Variants in ESRRG observed in about 807,000 individuals in gnomAD.
ESRRG encodes the protein estrogen related receptor gamma, also known as estrogen-related receptor gamma.
A neutral mutation model predicts 44.0 loss-of-function variants in ESRRG; 13 were observed. That is an observed-to-expected ratio of 0.30 (90% CI 0.19 to 0.47). The LOEUF (loss-of-function observed/expected upper bound fraction) is 0.47. Among genes scored for constraint, ESRRG ranks in the 20% least tolerant of loss-of-function variants. The pLI, the probability that ESRRG is intolerant of heterozygous loss-of-function variation, is 1.00. For synonymous variants in ESRRG, 215 were observed against 214.6 expected (o/e 1.00, Z -0.02); for missense variants, 395 against 580.6 (o/e 0.68, Z 3.29).
At chr1:216,865,067 C>T (rs1354357121) in intron 2 of ESRRG, 1 of 151,598 alleles carries the variant, frequency 6.6e-6, no homozygotes, top group African/African-American at 2.4e-5. Context: ...TTACCTTATT[C>T]CCTTTCTCAG....
At chr1:217,025,084 T>C (rs1409450594) in intron 1 of ESRRG, among the ~76,000 whole-genome samples, 1 of 152,110 alleles carries the variant, frequency 6.6e-6, no homozygotes, top group African/African-American at 2.4e-5. Context: ...GCTAGAAGCC[T>C]TAAGGGACCA....
chr1:216,636,325 A>G (rs570959612), intron 3 of ESRRG, among the ~76,000 whole-genome samples: 1 of 152,296 alleles, frequency 6.6e-6, no homozygotes, highest in South Asian at 2.1e-4. Context: ...AATGACCATA[A>G]TTTTTTCCTC....
intron 3 of ESRRG, among the ~76,000 whole-genome samples, chr1:216,570,593 G>C (rs2060607655): frequency 6.6e-6 from 1 of 151,814 alleles, no homozygotes; most frequent in South Asian, 2.1e-4. Flanking sequence ...TAAGAATTTT[G>C]AAAATTAAAA....
chr1:216,526,662 T>C (rs1001164537), intron 5 of ESRRG, among the ~76,000 whole-genome samples: 2 of 152,222 alleles, frequency 1.3e-5, no homozygotes, highest in Admixed American at 1.3e-4. Flanking sequence ...ACAGGTGACC[T>C]TCTTATCTGT....
At chr1:216,640,098 T>C (rs2066081315) in intron 3 of ESRRG, among the ~76,000 whole-genome samples, 1 of 152,208 alleles carries the variant, frequency 6.6e-6, no homozygotes, top group Non-Finnish European at 1.5e-5. Flanking sequence ...CAGTTACTAC[T>C]GTGCTGGGGC....
chr1:216,820,882 A>G (rs2095270926), intron 2 of ESRRG, among the ~76,000 whole-genome samples: 1 of 152,208 alleles, frequency 6.6e-6, no homozygotes, highest in East Asian at 1.9e-4. Context: ...TCCCTTTCCT[A>G]TGAAAGCATT....
intron 2 of ESRRG, among the ~76,000 whole-genome samples, chr1:216,916,767 C>G (rs1039791749): frequency 6.8e-6 from 1 of 147,216 alleles, no homozygotes; most frequent in Admixed American, 7.1e-5. Context: ...TGAGCAAACA[C>G]AGTGAGAAAA....
Position 217,108,939 on chromosome 1 carries a change from C to T in ESRRG, c.-230+28728G>A, listed in dbSNP as rs73103086. On this transcript the variant is annotated intron_variant, in intron 1 of 8. Coordinates refer to the ESRRG transcript ENST00000366940. ...AACCCAACCTCACATGAAACAGCTG[C>T]ACCAGAGAGAAATAAAACAAAACTG... 2.9e-3 allele frequency among the ~76,000 whole-genome samples: 443 copies of T among 152,244 alleles called. 2 individuals are homozygous for T. Among genetic ancestry groups the T allele is most frequent in the African/African-American group, 0.01 (426 of 41,546 alleles).
At chr1:216,750,428 T>C (rs1451181919) in intron 2 of ESRRG, among the ~76,000 whole-genome samples, 1 of 152,144 alleles carries the variant, frequency 6.6e-6, no homozygotes, top group Non-Finnish European at 1.5e-5. Context: ...AAGCTGTTCT[T>C]CAGTTAATAG....
rs1482545088 is a variant in ESRRG, at chr1:216,505,130, C to T, written c.*1809G>A. On this transcript the variant is annotated 3_prime_UTR_variant, in exon 7 of 7. Coordinates refer to ENST00000408911, the MANE Select transcript of ESRRG (RefSeq NM_001438.4). ...TTACAATTTTAATTACATCTGTGTA[C>T]ATAGAATAAGACTGTTCACATAATA... 6.6e-6 allele frequency: 1 copy of T among 152,644 alleles called. No homozygotes were observed. Among genetic ancestry groups the T allele is most frequent in the Non-Finnish European group, 1.5e-5 (1 of 68,036 alleles). The allele number at this position is 152,644 out of a possible 1,614,324, so 9.5% of individuals were successfully genotyped here. A position where few individuals can be genotyped will look rare whatever the true frequency, so the allele number is the denominator to read the frequency against.
At chr1:216,645,117 A>G (rs1037402604) in intron 3 of ESRRG, among the ~76,000 whole-genome samples, 18 of 152,180 alleles carry the variant, frequency 1.2e-4, no homozygotes, top group African/African-American at 4.3e-4. Flanking sequence ...TCAATACTTC[A>G]GTTCCTACTT....
chr1:216,683,149 AC>A (rs2077326622), intron 1 of ESRRG, among the ~76,000 whole-genome samples: 1 of 152,166 alleles, frequency 6.6e-6, no homozygotes, highest in African/African-American at 2.4e-5. Flanking sequence ...ATTAAGGTAC[AC>A]TGGCTTAGTT....
At chr1:217,049,280 C>T (rs1265542152) in intron 1 of ESRRG, among the ~76,000 whole-genome samples, 1 of 152,150 alleles carries the variant, frequency 6.6e-6, no homozygotes, top group African/African-American at 2.4e-5. Context: ...AGAGCCTTTA[C>T]TATGCTACTG....
intron 2 of ESRRG, among the ~76,000 whole-genome samples, chr1:216,868,079 CT>C (rs58738849): frequency 0.016 from 1,220 of 78,292 alleles, 7 homozygotes; most frequent in African/African-American, 0.05. Context: ...TATATTGATC[CT>C]TTTTTTTTTT....
intron 2 of ESRRG, among the ~76,000 whole-genome samples, chr1:216,663,635 A>G (rs1036569117): frequency 2.0e-5 from 2 of 98,990 alleles, no homozygotes; most frequent in African/African-American, 5.5e-5. Flanking sequence ...ATCATTCATC[A>G]TAAGAAAAAC....
intron 6 of ESRRG, among the ~76,000 whole-genome samples, chr1:216,515,730 G>T (rs1265278425): frequency 6.6e-6 from 1 of 152,100 alleles, no homozygotes; most frequent in Non-Finnish European, 1.5e-5. Flanking sequence ...TGGGGTAGGG[G>T]TGGCAAAGAC....
chr1:216,508,464 T>C (rs1006926898), intron 6 of ESRRG, among the ~76,000 whole-genome samples: 4 of 152,210 alleles, frequency 2.6e-5, no homozygotes, highest in Admixed American at 1.3e-4. Flanking sequence ...CAAGACTCAA[T>C]TTCTGCCTGG....
chr1:216,513,836 T>C (rs1262740221), intron 6 of ESRRG, among the ~76,000 whole-genome samples: 2 of 152,188 alleles, frequency 1.3e-5, no homozygotes, highest in Admixed American at 6.5e-5. Flanking sequence ...AAGACAATTA[T>C]AGTATACTGG....
chr1:216,956,757 A>C (rs2068034015), intron 1 of ESRRG, among the ~76,000 whole-genome samples: 1 of 152,220 alleles, frequency 6.6e-6, no homozygotes. Context: ...GAAATAGCCA[A>C]GTCTTTCAGA....
Sources: gnomAD v4.1 joint callset for allele counts (sites outside exome capture counted in the v4.1 genomes callset) on GRCh38, gnomAD v4.1.1 for gene constraint, MANE v1.5 for transcripts, NCBI Gene and HGNC (gene_info 2026-07-23, HGNC 2026-07-21) for gene names.